The following FAM193A variants were observed in gnomAD, a reference collection of about 807,000 sequenced individuals.
FAM193A encodes family with sequence similarity 193 member A, also known as protein FAM193A.
FAM193A carries 22 observed loss-of-function variants against 126.5 expected under a neutral mutation model. That is an observed-to-expected ratio of 0.17 (90% confidence interval 0.12 to 0.25). The LOEUF (loss-of-function observed/expected upper bound fraction) is 0.25. FAM193A is among the 10% of genes least tolerant of loss of function. The probability of loss-of-function intolerance (pLI) is 1.00; values close to 1 mark genes in which losing one functional copy is unlikely to be tolerated. For missense variants in FAM193A, 1,675 were observed against 1,672.8 expected (o/e 1.00, Z -0.02); for synonymous variants, 761 against 646.8 (o/e 1.18, Z -2.68).
intron 4 of FAM193A, among the ~76,000 whole-genome samples, 171 bp downstream of exon 4, chr4:2,626,748 G>A (rs1306559116): frequency 5.9e-5 from 9 of 152,112 alleles, no homozygotes. Context: ...GAGCCCCCTA[G>A]GTCAAACGTC....
Position 2,694,988 on chromosome 4 carries a change from C to T in FAM193A, c.3135C>T (p.Tyr1045=), listed in dbSNP as rs146560056. The change falls in exon 17 of 21, where the codon TAC becomes TAT. Residue 1045 remains tyrosine, a synonymous_variant. Coordinates refer to ENST00000637812, the MANE Select transcript of FAM193A (RefSeq NM_001366318.2). ...GGCACCGCTGCGAGAATGGTGTCTA[C>T]GACCCACAGCAGGATGATGGGGACG... The part of the protein sequence containing the change: ...CEGHRCENGV[Y]DPQQDDGDES... The T allele has an allele frequency of 3.6e-4, 578 of 1,605,432 alleles. 7 individuals carry two copies. In the South Asian group the frequency reaches 4.6e-3, roughly 13 times the overall value.
rs1160026686 is a variant in FAM193A, at chr4:2,605,970, CAAAAAAAAA to C, written c.501+9661_501+9669del. 9.7e-4 allele frequency among the ~76,000 whole-genome samples: 31 copies of C among 31,894 alleles called. No homozygotes were observed. In the South Asian group the frequency reaches 0.013, roughly 13 times the overall value. 20.9% of individuals were successfully genotyped at this position (31,894 alleles called of 152,430 possible). The stretch of plus-strand genomic sequence containing the variant: ...TAGGCGACAGAGTGAGACTCTGTCT[CAAAAAAAAA>C]AAAAAAAAAAAAAAAAAAATGGTTT... On this transcript the variant is annotated intron_variant, in intron 2 of 20. Transcript: ENST00000637812.
At chr4:2,535,548 AG>A (rs1736831668), upstream of FAM193A, among the ~76,000 whole-genome samples, 1 of 152,194 alleles carries the variant, frequency 6.6e-6, no homozygotes, top group Admixed American at 6.5e-5. Flanking sequence ...GGGGCCCTCC[AG>A]GGGGCGGAGC....
At chr4:2,541,546 A>G (rs1365695907) in intron 1 of FAM193A, among the ~76,000 whole-genome samples, 2 of 150,648 alleles carry the variant, frequency 1.3e-5, no homozygotes, top group East Asian at 2.0e-4. Flanking sequence ...CCTGGGTTCA[A>G]GCGATTCTCC....
intron 7 of FAM193A, among the ~76,000 whole-genome samples, chr4:2,655,504 G>T (rs185927321): frequency 6.6e-6 from 1 of 152,064 alleles, no homozygotes; most frequent in African/African-American, 2.4e-5. Flanking sequence ...TAGAGACAGG[G>T]TTTCACACTG....
chr4:2,635,994 G>A (rs1298557010), intron 5 of FAM193A, among the ~76,000 whole-genome samples: 1 of 147,716 alleles, frequency 6.8e-6, no homozygotes, highest in Admixed American at 6.6e-5. Context: ...GTTGGAAAAA[G>A]GACGAATTTT....
chr4:2,711,066 A>T (rs966424571), intron 19 of FAM193A, among the ~76,000 whole-genome samples: 1 of 150,642 alleles, frequency 6.6e-6, no homozygotes, highest in Non-Finnish European at 1.5e-5. Context: ...GTTAGCCAGG[A>T]TGGTCTCGAT....
chr4:2,549,868 C>T (rs185995990), intron 1 of FAM193A, among the ~76,000 whole-genome samples: 7 of 151,736 alleles, frequency 4.6e-5, no homozygotes, highest in African/African-American at 1.7e-4. Context: ...GCTGGGACTA[C>T]AGGCATGCAC....
intron 2 of FAM193A, among the ~76,000 whole-genome samples, chr4:2,600,756 C>G (rs184802646): frequency 6.6e-6 from 1 of 152,148 alleles, no homozygotes; most frequent in South Asian, 2.1e-4. Flanking sequence ...AAGACTTTGT[C>G]GCTTTGATTA....
At chr4:2,552,476 A>G (rs975480210) in intron 1 of FAM193A, among the ~76,000 whole-genome samples, 1 of 151,204 alleles carries the variant, frequency 6.6e-6, no homozygotes, top group Non-Finnish European at 1.5e-5. Context: ...ATTTAATGCT[A>G]TAAACGTCTC....
chr4:2,637,913 C>G (rs1219645061), intron 5 of FAM193A, among the ~76,000 whole-genome samples: 1 of 152,214 alleles, frequency 6.6e-6, no homozygotes, highest in Non-Finnish European at 1.5e-5. Flanking sequence ...TGAAGTGAGT[C>G]TGATATCTGT....
At chr4:2,580,787 G>A (rs35593219) in intron 1 of FAM193A, among the ~76,000 whole-genome samples, 4,754 of 152,322 alleles carry the variant, frequency 0.031, 87 homozygotes, top group South Asian at 0.071. Context: ...TGCCATGCTT[G>A]TATAGCCTAC....
intron 7 of FAM193A, among the ~76,000 whole-genome samples, chr4:2,651,647 A>G (rs1212956327): frequency 1.3e-5 from 2 of 152,172 alleles, no homozygotes; most frequent in Non-Finnish European, 2.9e-5. Context: ...ACAGTTTGAC[A>G]TGAGATTTGG....
chr4:2,592,923 A>G (rs1194191478), intron 1 of FAM193A, among the ~76,000 whole-genome samples: 1 of 152,118 alleles, frequency 6.6e-6, no homozygotes, highest in Admixed American at 6.6e-5. Flanking sequence ...TGTTCCCACC[A>G]GCCATTGTGG....
intron 1 of FAM193A, among the ~76,000 whole-genome samples, chr4:2,543,895 A>C (rs797002938): frequency 0.027 from 3,529 of 132,578 alleles, 184 homozygotes; most frequent in African/African-American, 0.094. Context: ...AAAAAAAAAA[A>C]CCAAAAAATT....
intron 4 of FAM193A, among the ~76,000 whole-genome samples, chr4:2,627,740 G>C (rs1475598521): frequency 6.6e-6 from 1 of 150,398 alleles, no homozygotes; most frequent in South Asian, 2.1e-4. Context: ...ACTGTGCCCA[G>C]CTAATTTTTT....
At chr4:2,608,260 C>T in intron 2 of FAM193A, 1 of 725,144 alleles carries the variant, frequency 1.4e-6, no homozygotes, top group Non-Finnish European at 2.2e-6. Flanking sequence ...TTCTCTGCAG[C>T]CTTCACCTCC....
At chr4:2,665,106 T>G (rs907147613) in intron 12 of FAM193A, among the ~76,000 whole-genome samples, 1 of 152,244 alleles carries the variant, frequency 6.6e-6, no homozygotes, top group Non-Finnish European at 1.5e-5. Flanking sequence ...TCTTCTAATC[T>G]GTGAATATGC....
At chr4:2,538,586 TC>T (rs1401001510) in intron 1 of FAM193A, among the ~76,000 whole-genome samples, 1 of 140,478 alleles carries the variant, frequency 7.1e-6, no homozygotes, top group Admixed American at 8.0e-5. Context: ...ATCCTGGAGA[TC>T]AAAACAGGCC....
Sources: allele counts gnomAD v4.1 joint callset (sites outside exome capture counted in the v4.1 genomes callset), GRCh38; gene constraint gnomAD v4.1.1; transcripts MANE v1.5; gene names NCBI Gene and HGNC (gene_info 2026-07-23, HGNC 2026-07-21).